ZEB2: variants seen among roughly 807,000 people sequenced by gnomAD.
ZEB2 encodes zinc finger E-box binding homeobox 2, also known as zinc finger E-box-binding homeobox 2.
ZEB2 carries 6 observed loss-of-function variants against 99.9 expected under a neutral mutation model. The ratio of observed to expected loss-of-function variants is 0.06; its 90% CI spans 0.03 to 0.12. The LOEUF is 0.12. Ranked by LOEUF, ZEB2 falls within the 10% of genes least tolerant of loss-of-function variation. ZEB2 has a pLI of 1.00. For synonymous variants in ZEB2, 517 were observed against 542.5 expected, an observed-to-expected ratio of 0.95 and a Z score of 0.65; for missense variants, 969 against 1,502.8, an observed-to-expected ratio of 0.64 and a Z score of 5.87.
chr2:144,459,745 G>A (rs1704167060), intron 2 of ZEB2, among the ~76,000 whole-genome samples: 1 of 152,098 alleles, frequency 6.6e-6, no homozygotes, highest in Non-Finnish European at 1.5e-5. Context: ...AATCAGCTAA[G>A]GTACGAAATA....
intron 4 of ZEB2, among the ~76,000 whole-genome samples, chr2:144,414,497 T>C (rs922837761): frequency 6.6e-6 from 1 of 152,038 alleles, no homozygotes; most frequent in Non-Finnish European, 1.5e-5. Flanking sequence ...GAGCCTCCCA[T>C]CCCATGACGG....
chr2:144,465,893 G>A (rs1352188712), intron 2 of ZEB2, among the ~76,000 whole-genome samples: 2 of 152,136 alleles, frequency 1.3e-5, no homozygotes, highest in African/African-American at 4.8e-5. Flanking sequence ...GACAGGCCTA[G>A]AGCAACTACT....
intron 2 of ZEB2, among the ~76,000 whole-genome samples, chr2:144,448,130 C>G (rs991991183): frequency 1.3e-5 from 2 of 152,120 alleles, no homozygotes; most frequent in African/African-American, 4.8e-5. Flanking sequence ...CAGTGAGTTC[C>G]GTATCATTCT....
intron 2 of ZEB2, among the ~76,000 whole-genome samples, chr2:144,456,281 T>C (rs1368108095): frequency 6.6e-6 from 1 of 152,184 alleles, no homozygotes; most frequent in Non-Finnish European, 1.5e-5. Context: ...CTTGTAGTAG[T>C]GTAAGAGAAA....
intron 2 of ZEB2, chr2:144,494,813 T>A (rs370353899): frequency 6.6e-6 from 1 of 151,670 alleles, no homozygotes; most frequent in South Asian, 2.1e-4. Flanking sequence ...TTTGCTGCAG[T>A]TCCCAGGCGG....
In ZEB2 at chr2:144,389,515, G is replaced by A. The variant is rs766682838; in HGVS notation, c.3581C>T (p.Ser1194Leu). Residue 1194 changes from serine (S) to leucine (L), a missense_variant, in exon 10 of 10, where the codon TCG (serine) becomes TTG (leucine). This residue lies in a region of ZEB2 where 121 missense variants were observed against 166.4 expected (regional missense o/e 0.73). Transcript: ENST00000627532. This position sits in a 1 kb window ranked among gnomAD's most constrained non-coding sequence, Gnocchi z 6.8. ...ETGDHSMDDS[S>L]EDGKMETKSD... ...TTTGGTTTCCATTTTCCCATCCTCC[G>A]AACTATCGTCCATGGAGTGATCTCC... 1 of 1,613,832 alleles carries A rather than the reference G, an allele frequency of 6.2e-7. No individual in the cohort carries two copies. Among genetic ancestry groups the A allele is most frequent in the Non-Finnish European group, 8.5e-7 (1 of 1,179,984 alleles).
At chr2:144,453,936 A>T (rs1704087144) in intron 2 of ZEB2, among the ~76,000 whole-genome samples, 1 of 152,230 alleles carries the variant, frequency 6.6e-6, no homozygotes, top group Non-Finnish European at 1.5e-5. Context: ...TTTAGACAAA[A>T]GTCTTGATGA....
At chr2:144,491,878 G>A (rs1428579382) in intron 2 of ZEB2, among the ~76,000 whole-genome samples, 1 of 152,218 alleles carries the variant, frequency 6.6e-6, no homozygotes, top group Non-Finnish European at 1.5e-5. Flanking sequence ...GCCTCATTAT[G>A]TAGTACTATA....
chr2:144,481,664 G>A (rs1294256496), intron 2 of ZEB2, among the ~76,000 whole-genome samples: 2 of 152,130 alleles, frequency 1.3e-5, no homozygotes, highest in African/African-American at 2.4e-5. Flanking sequence ...TGAAAAATCT[G>A]TAAATCAAAC....
At chr2:144,498,002 AT>A (rs1704801625) in intron 2 of ZEB2, among the ~76,000 whole-genome samples, 1 of 2,110 alleles carries the variant, frequency 4.7e-4, no homozygotes, top group African/African-American at 1.2e-3. Flanking sequence ...ATTATATATT[AT>A]ATAATATATT....
Position 144,517,335 on chromosome 2 carries a change from T to C in ZEB2, c.16A>G (p.Met6Val). 1 of 1,613,610 alleles carries C rather than the reference T, an allele frequency of 6.2e-7. No homozygotes were observed. Among genetic ancestry groups the C allele is most frequent in the Non-Finnish European group, 8.5e-7 (1 of 1,179,842 alleles). Reference sequence around the variant, plus strand: ...CTCTTGCACCGGGGGCCATCCGCCATGATCGGCTGCTTCATTGATAAGAGC... The same window carrying C: ...CTCTTGCACCGGGGGCCATCCGCCACGATCGGCTGCTTCATTGATAAGAGC... MKQPI[M>V]ADGPRCKRRK... The change falls in exon 2 of 10, where the codon ATG becomes GTG. Residue 6 changes from methionine (M) to valine (V), a missense_variant. Met to Val is a conservative substitution (Grantham distance 21, BLOSUM62 1). This residue lies in a region of ZEB2 where 173 missense variants were observed against 217.7 expected (regional missense o/e 0.79). Transcript: ENST00000627532.
chr2:144,420,124 A>C (rs1703600030), intron 4 of ZEB2, among the ~76,000 whole-genome samples: 1 of 152,218 alleles, frequency 6.6e-6, no homozygotes, highest in Non-Finnish European at 1.5e-5. Flanking sequence ...CAGTTGTAAT[A>C]TCTGCCATGT....
chr2:144,512,610 C>A, intron 2 of ZEB2: 1 of 1,287,174 alleles, frequency 7.8e-7, no homozygotes. Context: ...TATCTGGTAA[C>A]AGAGAAACAA....
chr2:144,403,636 C>T (rs1573720729), intron 6 of ZEB2, among the ~76,000 whole-genome samples: 1 of 152,076 alleles, frequency 6.6e-6, no homozygotes, highest in Non-Finnish European at 1.5e-5. Context: ...ATTTCATTCA[C>T]TTTTTGTGGA....
intron 2 of ZEB2, among the ~76,000 whole-genome samples, chr2:144,497,941 T>A (rs1366437399): frequency 1.7e-5 from 1 of 59,254 alleles, no homozygotes; most frequent in Non-Finnish European, 2.8e-5. Flanking sequence ...TATATTAATA[T>A]TATATATTAT....
At chr2:144,504,649 C>A (rs1196596578) in intron 2 of ZEB2, 1 of 152,118 alleles carries the variant, frequency 6.6e-6, no homozygotes, top group Non-Finnish European at 1.5e-5. Context: ...AGAAAAAAAA[C>A]AACAAGGTTA....
At chr2:144,456,778 T>A (rs894853668) in intron 2 of ZEB2, among the ~76,000 whole-genome samples, 2 of 152,126 alleles carry the variant, frequency 1.3e-5, no homozygotes, top group East Asian at 3.9e-4. Context: ...TGTATGAGTA[T>A]GCAAACAAGC....
rs559663433 is a variant in ZEB2 at position 144,398,313 on chromosome 2, T to C, written c.2874A>G (p.Lys958=). The change falls in exon 8 of 10, where the codon AAA becomes AAG. Residue 958 remains lysine, a synonymous_variant. Transcript: ENST00000627532. ...DMQQRRKYQR[K]QGFQGELLDG... The stretch of plus-strand genomic sequence containing the variant: ...TTTGTCTCTTTACCTGAAATCCTTG[T>C]TTCCGCTGGTACTTTCTCCTTTGCT... 4.3e-6 allele frequency: 7 copies of C among 1,613,786 alleles called. No homozygotes were observed. The African/African-American group carries it at 8.0e-5, about 18-fold the overall frequency.
At chr2:144,416,980 T>G (rs941361745) in intron 4 of ZEB2, among the ~76,000 whole-genome samples, 1 of 152,272 alleles carries the variant, frequency 6.6e-6, no homozygotes, top group Non-Finnish European at 1.5e-5. Context: ...CTAGAAATGA[T>G]AGCGCATTTA....
Sources: gnomAD v4.1 joint callset for allele counts (sites outside exome capture counted in the v4.1 genomes callset) on GRCh38, gnomAD v4.1.1 for gene constraint, gnomAD v4.1.1 regional missense constraint, Gnocchi (gnomAD v3.1) non-coding constraint, MANE v1.5 for transcripts, NCBI Gene and HGNC (gene_info 2026-07-23, HGNC 2026-07-21) for gene names.